BRSK2: variants seen among roughly 807,000 people sequenced by gnomAD.
BRSK2 encodes the protein serine/threonine-protein kinase BRSK2.
In BRSK2, 19 loss-of-function variants were observed where a neutral mutation model predicts 83.3. The ratio of observed to expected loss-of-function variants is 0.23; its 90% CI spans 0.16 to 0.33. The LOEUF (loss-of-function observed/expected upper bound fraction) is 0.33, where lower values mean the gene tolerates loss of function less well. Ranked by LOEUF, BRSK2 falls within the 10% of genes least tolerant of loss-of-function variation. The pLI, the probability that BRSK2 is intolerant of heterozygous loss-of-function variation, is 1.00. For missense variants in BRSK2, 798 were observed against 1,042.3 expected, an observed-to-expected ratio of 0.77 and a Z score of 3.23; for synonymous variants, 519 against 435.4, an observed-to-expected ratio of 1.19 and a Z score of -2.39.
At chr11:1,458,365 T>C (rs967526556) in intron 18 of BRSK2, among the ~76,000 whole-genome samples, 1 of 152,096 alleles carries the variant, frequency 6.6e-6, no homozygotes, top group African/African-American at 2.4e-5. Context: ...CAGAGGCTCT[T>C]GGGGGTCTAT....
intron 1 of BRSK2, among the ~76,000 whole-genome samples, chr11:1,404,873 G>A (rs1474048472): frequency 2.0e-5 from 3 of 152,242 alleles, no homozygotes; most frequent in South Asian, 4.1e-4. Flanking sequence ...CAGCACTCCC[G>A]CTCTGTGGGA....
intron 2 of BRSK2, among the ~76,000 whole-genome samples, chr11:1,436,763 C>T (rs1465613033): frequency 2.6e-5 from 4 of 152,100 alleles, no homozygotes; most frequent in Non-Finnish European, 2.9e-5. Context: ...GCGACCCTCC[C>T]AGCACTGGGG....
chr11:1,452,074 G>A (rs374865643), intron 15 of BRSK2, among the ~76,000 whole-genome samples: 74 of 152,300 alleles, frequency 4.9e-4, no homozygotes, highest in African/African-American at 1.6e-3. Flanking sequence ...AGCCTGCAGC[G>A]TGACCCCAGG....
At chr11:1,452,139 G>T (rs1590661760) in intron 15 of BRSK2, among the ~76,000 whole-genome samples, 1 of 152,150 alleles carries the variant, frequency 6.6e-6, no homozygotes, top group African/African-American at 2.4e-5. Context: ...AGGAGACCCC[G>T]GGAAATGAAG....
chr11:1,457,279 G>A (rs562564172), intron 18 of BRSK2, among the ~76,000 whole-genome samples: 2 of 152,300 alleles, frequency 1.3e-5, no homozygotes, highest in African/African-American at 2.4e-5. Flanking sequence ...GGAGGGCCGC[G>A]GGCTGCCTGA....
At position 1,398,360 on chromosome 11, in the gene BRSK2, G is replaced by T. The variant is rs557434487; in HGVS notation, c.91+7985G>T. On this transcript the variant is annotated intron_variant, in intron 1 of 19. Transcript: ENST00000528841. ...TGATTGGCTGCTTCCCTGGGCGGGG[G>T]TGACGTTGCTGCCCTGGGTCCGAGA... Among the ~76,000 whole-genome samples the T allele has an allele frequency of 5.9e-5, 9 of 152,302 alleles. 1 individual carries two copies. In the South Asian group the frequency reaches 1.9e-3, roughly 32 times the overall value.
chr11:1,456,910 G>T, intron 18 of BRSK2: 1 of 1,581,538 alleles, frequency 6.3e-7, no homozygotes, highest in South Asian at 1.1e-5. Flanking sequence ...CAGGGACATA[G>T]GGCGCAGCCG....
chr11:1,443,081 C>A, intron 5 of BRSK2, 25 bp from the exon 6 acceptor site: 1 of 1,531,482 alleles, frequency 6.5e-7, no homozygotes. Flanking sequence ...GGAGCCCCGC[C>A]GCTGACCTCT....
chr11:1,397,390 G>A (rs1024948853), intron 1 of BRSK2, among the ~76,000 whole-genome samples: 4 of 152,220 alleles, frequency 2.6e-5, no homozygotes, highest in Admixed American at 6.5e-5. Context: ...CCTCTGAGGG[G>A]CCAGTGTTCT....
chr11:1,462,451 C>G lies in BRSK2; in HGVS notation c.*1728C>G, dbSNP rs1847606648. ...TCTGCCACAGGCTGGGATTTCTATA[C>G]ATAAGAACAAAAGCAAACACCTAGG... is the stretch of plus-strand genomic sequence containing the variant. On this transcript the variant is annotated 3_prime_UTR_variant, in exon 20 of 20. Coordinates refer to ENST00000528841, the MANE Select transcript of BRSK2 (RefSeq NM_001256627.2). 6.6e-6 allele frequency: 1 copy of G among 151,888 alleles called. No individual in the cohort carries two copies. The highest frequency in any genetic ancestry group is 1.5e-5 in the Non-Finnish European group (1 of 68,074). 9.4% of individuals were successfully genotyped at this position (151,888 alleles called of 1,614,324 possible). A position where few individuals can be genotyped will look rare whatever the true frequency, so the allele number is the denominator to read the frequency against.
At chr11:1,448,021 CAGGCAG>C (rs1472399117) in intron 12 of BRSK2, among the ~76,000 whole-genome samples, 1 of 152,176 alleles carries the variant, frequency 6.6e-6, no homozygotes, top group East Asian at 1.9e-4. Context: ...GCCCGCGGGC[CAGGCAG>C]AGGCCGAGGA....
rs1845804342 is a variant in BRSK2 at position 1,451,395 on chromosome 11, A to G, written c.1520A>G (p.Asn507Ser). The G allele has an allele frequency of 1.9e-6, 3 of 1,612,810 alleles. No individual in the cohort carries two copies. Among genetic ancestry groups the G allele is most frequent in the Admixed American group, 1.7e-5 (1 of 60,012 alleles). ...LQVPTPEEMS[N>S]LTPESSPELA... ...GTTCCGACGCCGGAGGAGATGTCCA[A>G]CCTGACACCAGAGTCGTCCCCAGAG... The change falls in exon 15 of 20, where the codon AAC (asparagine) becomes AGC (serine). Residue 507 changes from asparagine to serine, a missense_variant. By Grantham distance (46) the Asn-to-Ser change is conservative. This residue lies in a region of BRSK2 where 455 missense variants were observed against 455.2 expected (regional missense o/e 1.00). Transcript: ENST00000528841.
At chr11:1,422,312 C>T (rs547801907) in intron 1 of BRSK2, among the ~76,000 whole-genome samples, 4 of 152,168 alleles carry the variant, frequency 2.6e-5, no homozygotes, top group Non-Finnish European at 5.9e-5. Context: ...GGGGCCTGCC[C>T]TCCTCCAGCC....
intron 1 of BRSK2, among the ~76,000 whole-genome samples, chr11:1,426,781 AGGATGTGGCGGGGCTGCTGGGGAG>A (rs1223602649): frequency 6.6e-6 from 1 of 152,066 alleles, no homozygotes; most frequent in Non-Finnish European, 1.5e-5. Context: ...GTGCAGACAC[AGGATGTGGCGGGGCTGCTGGGGAG>A]GAGCTCAGGA....
Position 1,425,799 on chromosome 11 carries a change from C to A in BRSK2, c.92-10241C>A, listed in dbSNP as rs1214631101. Reference sequence around the variant, plus strand: ...GGTAGCAGGCACCCGACAGGGTCCCCAGGTGGCACTCCAGGCCGTGGCACT... The same window carrying A: ...GGTAGCAGGCACCCGACAGGGTCCCAAGGTGGCACTCCAGGCCGTGGCACT... On this transcript the variant is annotated intron_variant, in intron 1 of 19. Coordinates refer to ENST00000528841, the MANE Select transcript of BRSK2 (RefSeq NM_001256627.2). Among the ~76,000 whole-genome samples the A allele has an allele frequency of 2.6e-5, 4 of 152,198 alleles. No individual in the cohort carries two copies. The South Asian group carries it at 8.3e-4, about 31-fold the overall frequency.
At chr11:1,399,459 G>A (rs1273338974) in intron 1 of BRSK2, among the ~76,000 whole-genome samples, 1 of 152,178 alleles carries the variant, frequency 6.6e-6, no homozygotes, top group Non-Finnish European at 1.5e-5. Context: ...TCACTGTGTT[G>A]CCTTCCCCCA....
rs370332023 is a variant in BRSK2 at position 1,439,619 on chromosome 11, G to A, written c.273-1169G>A. Among the ~76,000 whole-genome samples the A allele has an allele frequency of 1.4e-3, 206 of 152,164 alleles. 1 individual carries two copies. Among genetic ancestry groups the A allele is most frequent in the African/African-American group, 4.4e-3 (183 of 41,488 alleles). Reference sequence around the variant, plus strand: ...CCAGGAGGTGGGCATGGCCGGGCTCGCGGCTTCTCCCGAGGTCTGGCCCTG... The same window carrying A: ...CCAGGAGGTGGGCATGGCCGGGCTCACGGCTTCTCCCGAGGTCTGGCCCTG... On this transcript the variant is annotated intron_variant, in intron 3 of 19. Coordinates refer to ENST00000528841, the MANE Select transcript of BRSK2 (RefSeq NM_001256627.2).
chr11:1,445,476 C>T lies in BRSK2; in HGVS notation c.977+18C>T, dbSNP rs761722307. The T allele has an allele frequency of 1.6e-5, 25 of 1,610,960 alleles. No individual in the cohort carries two copies. The highest frequency in any genetic ancestry group is 2.0e-5 in the Non-Finnish European group (24 of 1,179,390). On this transcript the variant is annotated intron_variant, in intron 10 of 19. Transcript: ENST00000528841. Reference sequence around the variant, plus strand: ...TCCGAGGAGTGCGTCTGGGGCTGCTCCCGGGTGGGGCACGGGGCCTGAGGT... The same window carrying T: ...TCCGAGGAGTGCGTCTGGGGCTGCTTCCGGGTGGGGCACGGGGCCTGAGGT...
In BRSK2 at chr11:1,461,291, T is replaced by G. The variant is rs1179954934; in HGVS notation, c.*568T>G. 2 of 463,538 alleles carry G rather than the reference T, an allele frequency of 4.3e-6. No individual in the cohort carries two copies. Among genetic ancestry groups the G allele is most frequent in the Non-Finnish European group, 7.7e-6 (2 of 260,626 alleles). The allele number at this position is 463,538 out of a possible 1,614,324, so 28.7% of individuals were successfully genotyped here. A position where few individuals can be genotyped will look rare whatever the true frequency, so the allele number is the denominator to read the frequency against. On this transcript the variant is annotated 3_prime_UTR_variant, in exon 20 of 20. Transcript: ENST00000528841. ...AACGTAGCCACAGGAACAGGCCCCGTCCACCGCCTCCACGCCGCACCTGGA... is the reference window on the plus strand; with the variant it reads ...AACGTAGCCACAGGAACAGGCCCCGGCCACCGCCTCCACGCCGCACCTGGA...
Sources: gnomAD v4.1 joint callset for allele counts (sites outside exome capture counted in the v4.1 genomes callset) on GRCh38, gnomAD v4.1.1 for gene constraint, gnomAD v4.1.1 regional missense constraint, MANE v1.5 for transcripts, NCBI Gene and HGNC (gene_info 2026-07-23, HGNC 2026-07-21) for gene names.